Variants in ROBO2 observed in about 807,000 individuals in gnomAD.
The protein encoded by ROBO2 is roundabout guidance receptor 2, also known as roundabout homolog 2.
In ROBO2, 53 loss-of-function variants were observed where a neutral mutation model predicts 160.8. The ratio of observed to expected loss-of-function variants is 0.33; its 90% CI spans 0.26 to 0.41. ROBO2 has a LOEUF of 0.41. Among genes scored for constraint, ROBO2 ranks in the 10% least tolerant of loss-of-function variants. The pLI is 1.00. For synonymous variants in ROBO2, 664 were observed against 611.7 expected, an observed-to-expected ratio of 1.09 and a Z score of -1.26; for missense variants, 1,577 against 1,722.4, an observed-to-expected ratio of 0.92 and a Z score of 1.49.
At chr3:77,213,073 G>A (rs1415922876) in intron 2 of ROBO2, among the ~76,000 whole-genome samples, 1 of 152,086 alleles carries the variant, frequency 6.6e-6, no homozygotes, top group African/African-American at 2.4e-5. Flanking sequence ...TTTGGTATCA[G>A]GATAATGCTG....
At chr3:76,851,764 A>AAT (rs1553659596) in intron 2 of ROBO2, among the ~76,000 whole-genome samples, 1 of 137,042 alleles carries the variant, frequency 7.3e-6, no homozygotes, top group African/African-American at 2.9e-5. Context: ...AAAAAAAAAA[A>AAT]ATATTAACAT....
intron 2 of ROBO2, among the ~76,000 whole-genome samples, chr3:76,179,505 T>G (rs1399077718): frequency 6.6e-6 from 1 of 152,170 alleles, no homozygotes; most frequent in South Asian, 2.1e-4. Flanking sequence ...TTATCAGTTT[T>G]AATTCCTAAA....
At chr3:77,614,879 C>T (rs1056539133) in intron 21 of ROBO2, among the ~76,000 whole-genome samples, 4 of 152,230 alleles carry the variant, frequency 2.6e-5, no homozygotes, top group South Asian at 2.1e-4. Flanking sequence ...TTGCCTCTTC[C>T]GTGGCCAATT....
At chr3:76,297,642 A>G (rs1709139852) in intron 2 of ROBO2, among the ~76,000 whole-genome samples, 1 of 149,586 alleles carries the variant, frequency 6.7e-6, no homozygotes, top group Non-Finnish European at 1.5e-5. Flanking sequence ...CTTCAGCTTC[A>G]GGAATTGTAT....
chr3:75,980,944 T>A (rs1199702046), intron 2 of ROBO2, among the ~76,000 whole-genome samples: 1 of 151,558 alleles, frequency 6.6e-6, no homozygotes, highest in East Asian at 1.9e-4. Context: ...GAAAATATTT[T>A]TGCAACTATT....
intron 2 of ROBO2, among the ~76,000 whole-genome samples, chr3:76,014,955 A>G (rs2066363806): frequency 6.6e-6 from 1 of 152,176 alleles, no homozygotes; most frequent in Admixed American, 6.5e-5. Context: ...AGACATACAT[A>G]CATACATAAA....
At chr3:75,915,895 T>C (rs1444326991) in intron 1 of ROBO2, among the ~76,000 whole-genome samples, 1 of 152,166 alleles carries the variant, frequency 6.6e-6, no homozygotes, top group Non-Finnish European at 1.5e-5. Context: ...ATCTGAACAA[T>C]TTTTACTAAA....
chr3:76,136,049 T>C (rs1450835169), intron 2 of ROBO2, among the ~76,000 whole-genome samples: 1 of 152,272 alleles, frequency 6.6e-6, no homozygotes, highest in South Asian at 2.1e-4. Context: ...ATCACTGTAA[T>C]GGAACAAATA....
intron 2 of ROBO2, among the ~76,000 whole-genome samples, chr3:76,476,550 T>G (rs1348008123): frequency 6.6e-6 from 1 of 152,176 alleles, no homozygotes; most frequent in Non-Finnish European, 1.5e-5. Flanking sequence ...TGCTGCTTAT[T>G]TGAAGAAATA....
chr3:77,331,971 G>T (rs1238400052), intron 2 of ROBO2, among the ~76,000 whole-genome samples: 1 of 152,174 alleles, frequency 6.6e-6, no homozygotes, highest in Non-Finnish European at 1.5e-5. Context: ...CTCCCAAAGT[G>T]CTGGGATTAC....
rs186299128 is a variant in ROBO2 at position 76,220,519 on chromosome 3, A to C, written c.109+282917A>C. Among the ~76,000 whole-genome samples the C allele has an allele frequency of 1.1e-3, 163 of 152,198 alleles. 2 individuals are homozygous for C. Among genetic ancestry groups the C allele is most frequent in the Admixed American group, 6.8e-3 (104 of 15,280 alleles). ...CTGCCCTTCCGCCTTGTGACGATGC[A>C]GCAAGAAGGCTTGCAAATGCCTTGG... On this transcript the variant is annotated intron_variant, in intron 2 of 26. Transcript: ENST00000487694.
At chr3:76,162,402 T>G (rs1043958028) in intron 2 of ROBO2, among the ~76,000 whole-genome samples, 2 of 152,138 alleles carry the variant, frequency 1.3e-5, no homozygotes, top group African/African-American at 4.8e-5. Flanking sequence ...ATCAAACTCC[T>G]GGGCTCAAGT....
chr3:77,573,727 T>C (rs1042040831), intron 13 of ROBO2, among the ~76,000 whole-genome samples: 7 of 152,072 alleles, frequency 4.6e-5, no homozygotes, highest in African/African-American at 1.7e-4. Flanking sequence ...TCTTCTTGCC[T>C]ATCTAAGCAC....
chr3:77,447,274 T>C (rs1439815917), intron 2 of ROBO2, among the ~76,000 whole-genome samples: 1 of 152,060 alleles, frequency 6.6e-6, no homozygotes, highest in Non-Finnish European at 1.5e-5. Context: ...CACTAATATT[T>C]TGGATACAAC....
At chr3:77,335,719 A>G (rs575513820) in intron 2 of ROBO2, among the ~76,000 whole-genome samples, 9 of 152,320 alleles carry the variant, frequency 5.9e-5, no homozygotes, top group East Asian at 1.9e-4. Context: ...CGGAGTAGCC[A>G]TCAAGAAAAA....
At chr3:77,019,591 TAC>T (rs2149498572) in intron 2 of ROBO2, among the ~76,000 whole-genome samples, 1 of 152,302 alleles carries the variant, frequency 6.6e-6, no homozygotes, top group South Asian at 2.1e-4. Context: ...AGGGAGAATG[TAC>T]ACACAAGGAA....
chr3:77,295,402 A>G (rs1169415548), intron 2 of ROBO2, among the ~76,000 whole-genome samples: 5 of 150,640 alleles, frequency 3.3e-5, no homozygotes. Flanking sequence ...CTAAAGACAT[A>G]AAGTAAAATT....
At chr3:76,577,075 T>C (rs981714764) in intron 2 of ROBO2, among the ~76,000 whole-genome samples, 3 of 152,028 alleles carry the variant, frequency 2.0e-5, no homozygotes, top group South Asian at 2.1e-4. Flanking sequence ...AACAGAAGCA[T>C]TGGGGCAGAT....
At chr3:77,012,003 G>A (rs1435887652) in intron 2 of ROBO2, among the ~76,000 whole-genome samples, 2 of 152,020 alleles carry the variant, frequency 1.3e-5, no homozygotes, top group Non-Finnish European at 2.9e-5. Context: ...ATCTAAAAAT[G>A]AATATGTATA....
Sources: allele counts gnomAD v4.1 joint callset (sites outside exome capture counted in the v4.1 genomes callset), GRCh38; gene constraint gnomAD v4.1.1; transcripts MANE v1.5; gene names NCBI Gene and HGNC (gene_info 2026-07-23, HGNC 2026-07-21).